Variants in DYNC2I1 observed in about 807,000 individuals in gnomAD.
DYNC2I1 encodes dynein 2 intermediate chain 1, also known as cytoplasmic dynein 2 intermediate chain 1.
DYNC2I1 carries 89 observed loss-of-function variants against 133.4 expected under a neutral mutation model. The observed-to-expected ratio is 0.67, with a 90% CI of 0.56 to 0.80. The LOEUF (loss-of-function observed/expected upper bound fraction) is 0.80. Ranked by LOEUF, DYNC2I1 falls within the 30% of genes least tolerant of loss-of-function variation. The probability of loss-of-function intolerance (pLI) is 0.00; values close to 1 mark genes in which losing one functional copy is unlikely to be tolerated. For missense variants in DYNC2I1, 1,291 were observed against 1,314.5 expected (o/e 0.98, Z 0.28); for synonymous variants, 504 against 484.3 (o/e 1.04, Z -0.54).
Position 158,914,335 on chromosome 7 carries a change from A to G in DYNC2I1, c.1791+14A>G, listed in dbSNP as rs752302892. 5 of 1,601,082 alleles carry G rather than the reference A, an allele frequency of 3.1e-6. No homozygotes were observed. Among genetic ancestry groups the G allele is most frequent in the South Asian group, 2.2e-5 (2 of 89,064 alleles). On this transcript the variant is annotated intron_variant, in intron 14 of 24. Transcript: ENST00000407559. Reference sequence around the variant, plus strand: ...GCTGCTTGTCAGGTATACTCAACCTATATATGTTGTGTTCTCTGTGTAAGT... The same window carrying G: ...GCTGCTTGTCAGGTATACTCAACCTGTATATGTTGTGTTCTCTGTGTAAGT...
chr7:158,898,758 C>G (rs1845966073), intron 8 of DYNC2I1, among the ~76,000 whole-genome samples: 1 of 151,806 alleles, frequency 6.6e-6, no homozygotes, highest in Non-Finnish European at 1.5e-5. Flanking sequence ...ATTTGTTGCC[C>G]TTGTTATTTG....
chr7:158,898,386 A>G (rs1355958554), intron 8 of DYNC2I1, among the ~76,000 whole-genome samples: 2 of 152,174 alleles, frequency 1.3e-5, no homozygotes, highest in East Asian at 1.9e-4. Flanking sequence ...TTGCACTTCT[A>G]TTAGTTTTTG....
Position 158,887,088 on chromosome 7 carries a change from C to G in DYNC2I1, c.990+13C>G, listed in dbSNP as rs1844683209. On this transcript the variant is annotated intron_variant, in intron 7 of 24. Transcript: ENST00000407559. ...TTCAAGACGGAAGGTAAGGCAGTCT[C>G]CACTGAGAATACATTGATTTTATGG... 1 of 1,611,614 alleles carries G rather than the reference C, an allele frequency of 6.2e-7. No individual in the cohort carries two copies. The highest frequency in any genetic ancestry group is 8.5e-7 in the Non-Finnish European group (1 of 1,177,920).
chr7:158,888,891 G>A (rs1844886194), intron 7 of DYNC2I1, among the ~76,000 whole-genome samples: 1 of 151,960 alleles, frequency 6.6e-6, no homozygotes, highest in South Asian at 2.1e-4. Context: ...TAATTTTGGT[G>A]GTGGTGGTTG....
At chr7:158,935,935 C>G (rs143361319) in intron 23 of DYNC2I1, among the ~76,000 whole-genome samples, 148 of 152,160 alleles carry the variant, frequency 9.7e-4, no homozygotes, top group African/African-American at 3.5e-3. Flanking sequence ...CACGGTGGCC[C>G]AAATCCCAGC....
chr7:158,883,248 C>T (rs1844231531), intron 5 of DYNC2I1, among the ~76,000 whole-genome samples: 2 of 145,516 alleles, frequency 1.4e-5, no homozygotes, highest in Non-Finnish European at 1.5e-5. Context: ...GATTGAGTCT[C>T]ACTGTATCGC....
intron 7 of DYNC2I1, among the ~76,000 whole-genome samples, chr7:158,888,948 A>G (rs968046356): frequency 6.6e-6 from 1 of 152,296 alleles, no homozygotes; most frequent in East Asian, 1.9e-4. Flanking sequence ...ACAGAAAAAA[A>G]TACCTACAAA....
chr7:158,915,683 G>C lies in DYNC2I1; in HGVS notation c.1791+1362G>C, dbSNP rs113455378. On this transcript the variant is annotated intron_variant, in intron 14 of 24. Transcript: ENST00000407559. ...TTGACATTAAGGATGATTGTGAAAC[G>C]TCGACACGCTGGTTGACATTAAGGA... Among the ~76,000 whole-genome samples the C allele has an allele frequency of 4.3e-3, 394 of 91,930 alleles. 3 individuals are homozygous for C. Among genetic ancestry groups the C allele is most frequent in the African/African-American group, 0.014 (319 of 23,282 alleles). The allele number at this position is 91,930 out of a possible 152,430, so 60.3% of individuals were successfully genotyped here. A position where few individuals can be genotyped will look rare whatever the true frequency, so the allele number is the denominator to read the frequency against.
intron 8 of DYNC2I1, among the ~76,000 whole-genome samples, chr7:158,899,833 T>C (rs565461352): frequency 3.3e-5 from 5 of 152,308 alleles, no homozygotes; most frequent in Admixed American, 1.3e-4. Flanking sequence ...ATGAAACCTC[T>C]TTTTCTTCCC....
downstream of DYNC2I1, among the ~76,000 whole-genome samples, chr7:158,947,912 T>G (rs1323463193): frequency 6.6e-6 from 1 of 152,240 alleles, no homozygotes; most frequent in Admixed American, 6.5e-5. Context: ...ATGATGTCCT[T>G]GAATGTGTCC....
chr7:158,900,616 A>AT (rs1222776050), intron 8 of DYNC2I1, among the ~76,000 whole-genome samples: 3 of 151,648 alleles, frequency 2.0e-5, no homozygotes, highest in African/African-American at 7.3e-5. Context: ...GTTTGGAGAA[A>AT]TTCTCAGTCA....
chr7:158,952,238 C>T (rs1852077009), intron 4 of DYNC2I1, among the ~76,000 whole-genome samples: 1 of 152,186 alleles, frequency 6.6e-6, no homozygotes, highest in East Asian at 1.9e-4. Flanking sequence ...TCAAAGTGGG[C>T]AGGTTCCTCC....
intron 21 of DYNC2I1, among the ~76,000 whole-genome samples, chr7:158,932,307 C>T (rs1296152557): frequency 1.3e-5 from 2 of 152,072 alleles, no homozygotes; most frequent in Non-Finnish European, 2.9e-5. Flanking sequence ...GCAGTGGGGA[C>T]ATCTTGAGGA....
chr7:158,919,656 C>T (rs1848819063), intron 15 of DYNC2I1, among the ~76,000 whole-genome samples: 1 of 152,222 alleles, frequency 6.6e-6, no homozygotes. Flanking sequence ...CCAGGCATTT[C>T]TTCCGTCCTG....
the DYNC2I1 span, among the ~76,000 whole-genome samples, chr7:158,842,131 C>T: frequency 6.6e-5 from 10 of 152,298 alleles, no homozygotes; most frequent in Non-Finnish European, 1.0e-4. Flanking sequence ...AGGATTCAAG[C>T]GATTCTCCTG....
chr7:158,877,219 C>T (rs1356434392), intron 4 of DYNC2I1, among the ~76,000 whole-genome samples: 1 of 151,032 alleles, frequency 6.6e-6, no homozygotes, highest in Non-Finnish European at 1.5e-5. Flanking sequence ...TGTTGGTGCT[C>T]TCGAGGCACC....
chr7:158,922,053 A>G lies in DYNC2I1; in HGVS notation c.1922-324A>G, dbSNP rs536700959. Among the ~76,000 whole-genome samples, 4 of 152,296 alleles carry G rather than the reference A, an allele frequency of 2.6e-5. No individual in the cohort carries two copies. In the East Asian group the frequency reaches 7.7e-4, roughly 29 times the overall value. On this transcript the variant is annotated intron_variant, in intron 15 of 24. Transcript: ENST00000407559. ...CTAAAGCAGAGGGGCAGCCAGGCGC[A>G]CTGCATTACCTCCCAGCTCTGAGAT...
chr7:158,844,995 C>CT, the DYNC2I1 span, among the ~76,000 whole-genome samples: 1 of 116,198 alleles, frequency 8.6e-6, no homozygotes, highest in African/African-American at 3.5e-5. Flanking sequence ...AATTCTAGGG[C>CT]CCCCCAACCA....
At chr7:158,917,187 T>A (rs1207796950) in intron 14 of DYNC2I1, among the ~76,000 whole-genome samples, 1 of 142,064 alleles carries the variant, frequency 7.0e-6, no homozygotes, top group East Asian at 2.0e-4. Context: ...ACATTAAGGA[T>A]GATTGTGAAA....
Sources: gnomAD v4.1 joint callset for allele counts (sites outside exome capture counted in the v4.1 genomes callset) on GRCh38, gnomAD v4.1.1 for gene constraint, MANE v1.5 for transcripts, NCBI Gene and HGNC (gene_info 2026-07-23, HGNC 2026-07-21) for gene names.